DNAH6: variants seen among roughly 807,000 people sequenced by gnomAD.
The protein encoded by DNAH6 is axonemal beta dynein heavy chain 6.
DNAH6 carries 340 observed loss-of-function variants against 491.4 expected under a neutral mutation model. That is an observed-to-expected ratio of 0.69 (90% CI 0.63 to 0.76). The LOEUF (loss-of-function observed/expected upper bound fraction) is 0.76. Ranked by LOEUF, DNAH6 falls within the 30% of genes least tolerant of loss-of-function variation. DNAH6 has a pLI of 0.00. For synonymous variants in DNAH6, 1,603 were observed against 1,686.1 expected (o/e 0.95, Z 1.21); for missense variants, 4,443 against 4,972.2 (o/e 0.89, Z 3.20).
At chr2:84,725,653 G>A (rs1474199910) in intron 60 of DNAH6, among the ~76,000 whole-genome samples, 1 of 152,192 alleles carries the variant, frequency 6.6e-6, no homozygotes, top group African/African-American at 2.4e-5. Context: ...ATCTTGGGCT[G>A]AAAGTAAAAG....
chr2:84,657,391 G>A (rs1310152250), intron 35 of DNAH6, among the ~76,000 whole-genome samples: 5 of 152,010 alleles, frequency 3.3e-5, no homozygotes, highest in Admixed American at 3.3e-4. Context: ...AACTGAGATT[G>A]TGTTGAATTT....
At chr2:84,707,150 A>G in intron 53 of DNAH6, 131 bp downstream of exon 53, 1 of 1,063,728 alleles carries the variant, frequency 9.4e-7, no homozygotes, top group Non-Finnish European at 1.3e-6. Flanking sequence ...CCTAGGATCA[A>G]ATAAGAACTC....
rs551933608 is a variant in DNAH6, at chr2:84,660,731, T to A, written c.6084+1562T>A. Among the ~76,000 whole-genome samples, 10 of 152,272 alleles carry A rather than the reference T, an allele frequency of 6.6e-5. No homozygotes were observed. In the South Asian group the frequency reaches 1.2e-3, roughly 19 times the overall value. ...ATGGGGCACTGTGAAAGATATAATC[T>A]TGCTTCTGTGATATTTATTTCAAAA... is the stretch of plus-strand genomic sequence containing the variant. On this transcript the variant is annotated intron_variant, in intron 37 of 76. Transcript: ENST00000389394.
intron 22 of DNAH6, 120 bp downstream of exon 22, chr2:84,611,974 A>G (rs1185223421): frequency 1.2e-6 from 1 of 856,620 alleles, no homozygotes; most frequent in Non-Finnish European, 1.7e-6. Context: ...TCAACCCTTG[A>G]TTCTAGTCAG....
At position 84,763,789 on chromosome 2, in the gene DNAH6, G is replaced by A. The variant is rs1280121591; in HGVS notation, c.10703+844G>A. On this transcript the variant is annotated intron_variant, in intron 64 of 76. Coordinates refer to ENST00000389394, the MANE Select transcript of DNAH6 (RefSeq NM_001370.2). ...GTGTATGAAGTTGCAAGATTTACAGGCAACAACTGGAAACTCAGCACAGCT... is the reference window on the plus strand; with the variant it reads ...GTGTATGAAGTTGCAAGATTTACAGACAACAACTGGAAACTCAGCACAGCT... Among the ~76,000 whole-genome samples the A allele has an allele frequency of 2.1e-5, 3 of 142,136 alleles. No homozygotes were observed. In the East Asian group the frequency reaches 6.8e-4, roughly 32 times the overall value. The allele number at this position is 142,136 out of a possible 152,430, so 93.2% of individuals were successfully genotyped here.
chr2:84,502,045 T>C, the DNAH6 span, among the ~76,000 whole-genome samples: 3 of 152,300 alleles, frequency 2.0e-5, no homozygotes, highest in Admixed American at 1.3e-4. Flanking sequence ...CTCTGATCTA[T>C]ATTATTTTTC....
At chr2:84,628,833 A>G (rs1016678602) in intron 29 of DNAH6, among the ~76,000 whole-genome samples, 21 of 152,226 alleles carry the variant, frequency 1.4e-4, no homozygotes, top group Non-Finnish European at 2.6e-4. Flanking sequence ...TTAGAAACAT[A>G]AAAAGATATG....
intron 10 of DNAH6, among the ~76,000 whole-genome samples, chr2:84,555,371 T>A (rs1043313778): frequency 6.6e-6 from 1 of 152,216 alleles, no homozygotes; most frequent in Non-Finnish European, 1.5e-5. Context: ...TTGGTTTAAT[T>A]GAAATAGACT....
rs535424935 is a variant in DNAH6, at chr2:84,589,011, T to G, written c.2610+57T>G. 667 of 1,440,610 alleles carry G rather than the reference T, an allele frequency of 4.6e-4. 2 individuals carry two copies. The highest frequency in any genetic ancestry group is 1.6e-3 in the South Asian group (111 of 70,014). The allele number at this position is 1,440,610 out of a possible 1,614,324, so 89.2% of individuals were successfully genotyped here. A position where few individuals can be genotyped will look rare whatever the true frequency, so the allele number is the denominator to read the frequency against. ...AATGTGTGTATAGAAATGGCGTATA[T>G]GCACAAGGACTTCAATAATGTAACT... On this transcript the variant is annotated intron_variant, in intron 16 of 76. Coordinates refer to ENST00000389394, the MANE Select transcript of DNAH6 (RefSeq NM_001370.2).
chr2:84,644,599 C>T (rs1689727188), intron 33 of DNAH6, among the ~76,000 whole-genome samples: 1 of 152,084 alleles, frequency 6.6e-6, no homozygotes. Context: ...TCCCACTCCC[C>T]ACCCTCCAAC....
the DNAH6 span, among the ~76,000 whole-genome samples, chr2:84,500,806 T>C: frequency 6.6e-6 from 1 of 152,220 alleles, no homozygotes; most frequent in African/African-American, 2.4e-5. Flanking sequence ...GAGATTACTT[T>C]TTAATTTCTT....
chr2:84,566,340 T>C (rs1029251728), intron 11 of DNAH6, among the ~76,000 whole-genome samples: 1 of 152,044 alleles, frequency 6.6e-6, no homozygotes, highest in African/African-American at 2.4e-5. Context: ...AAAATACTTC[T>C]TTCATAATAG....
chr2:84,729,470 A>T (rs1428653697), intron 61 of DNAH6, among the ~76,000 whole-genome samples: 2 of 152,180 alleles, frequency 1.3e-5, no homozygotes, highest in South Asian at 4.1e-4. Flanking sequence ...CAGCCTTATC[A>T]ACAGCTCTGC....
the DNAH6 span, among the ~76,000 whole-genome samples, chr2:84,464,809 G>A: frequency 6.6e-6 from 1 of 152,036 alleles, no homozygotes; most frequent in African/African-American, 2.4e-5. Context: ...GATCAGCAAG[G>A]CCTTTATGAC....
At position 84,713,904 on chromosome 2, in the gene DNAH6, G is replaced by A. The variant is rs548497960; in HGVS notation, c.9543+645G>A. 3.9e-5 allele frequency among the ~76,000 whole-genome samples: 6 copies of A among 152,292 alleles called. No homozygotes were observed. The East Asian group carries it at 9.7e-4, about 24-fold the overall frequency. ...CATGCTCTTAGATTCTTTGAGTGGAGCTGTGTGAGCTCCACTCCATACATA... is the reference window on the plus strand; with the variant it reads ...CATGCTCTTAGATTCTTTGAGTGGAACTGTGTGAGCTCCACTCCATACATA... On this transcript the variant is annotated intron_variant, in intron 57 of 76. Transcript: ENST00000389394.
intron 3 of DNAH6, 63 bp from the exon 4 acceptor site, chr2:84,528,841 G>A: frequency 2.1e-6 from 3 of 1,414,422 alleles, no homozygotes; most frequent in Non-Finnish European, 2.8e-6. Flanking sequence ...GTAATATTTT[G>A]TTGCTCTTGT....
intron 46 of DNAH6, among the ~76,000 whole-genome samples, chr2:84,696,911 G>A (rs185996958): frequency 2.7e-3 from 411 of 152,212 alleles, no homozygotes; most frequent in African/African-American, 9.6e-3. Flanking sequence ...AATAATAAAT[G>A]TGGGATAATA....
At chr2:84,518,789 T>C (rs182810966) in intron 2 of DNAH6, among the ~76,000 whole-genome samples, 1 of 152,264 alleles carries the variant, frequency 6.6e-6, no homozygotes, top group East Asian at 1.9e-4. Flanking sequence ...AATAAACAAA[T>C]ATAAATGAAC....
chr2:84,781,568 A>G lies in DNAH6; in HGVS notation c.10779A>G (p.Gly3593=). 6.4e-7 allele frequency: 1 copy of G among 1,551,726 alleles called. No individual in the cohort carries two copies. The highest frequency in any genetic ancestry group is 8.7e-7 in the Non-Finnish European group (1 of 1,146,934). ...TGGTCAAGGATGCAATGAAATCAGG[A>G]AACTGGGTATTTTTGCAAAATTGCC... is the stretch of plus-strand genomic sequence containing the variant. ...EKMVKDAMKS[G]NWVFLQNCHL... is the part of the protein sequence containing the mutation. The change falls in exon 65 of 77, where the codon GGA becomes GGG. Residue 3593 remains glycine (G), a synonymous_variant. Transcript: ENST00000389394.
Sources: gnomAD v4.1 joint callset for allele counts (sites outside exome capture counted in the v4.1 genomes callset) on GRCh38, gnomAD v4.1.1 for gene constraint, MANE v1.5 for transcripts, NCBI Gene and HGNC (gene_info 2026-07-23, HGNC 2026-07-21) for gene names.